The following ABCC2 variants were observed in gnomAD, a reference collection of about 807,000 sequenced individuals.
The protein encoded by ABCC2 is ATP binding cassette subfamily C member 2, also known as ATP-binding cassette sub-family C member 2.
In ABCC2, 157 loss-of-function variants were observed where a neutral mutation model predicts 173.4. The ratio of observed to expected loss-of-function variants is 0.91; its 90% CI spans 0.80 to 1.03. The LOEUF (loss-of-function observed/expected upper bound fraction) is 1.03. Among genes scored for constraint, ABCC2 ranks in the 50% least tolerant of loss-of-function variants. The pLI, the probability that ABCC2 is intolerant of heterozygous loss-of-function variation, is 0.00. For synonymous variants in ABCC2, 657 were observed against 693.5 expected (o/e 0.95, Z 0.83); for missense variants, 1,822 against 1,852.3 (o/e 0.98, Z 0.30).
chr10:99,795,167 G>A (rs1486635870), intron 6 of ABCC2, among the ~76,000 whole-genome samples: 1 of 152,166 alleles, frequency 6.6e-6, no homozygotes, highest in Admixed American at 6.5e-5. Flanking sequence ...GGCTGGTGAA[G>A]TCTATGAATC....
intron 13 of ABCC2, among the ~76,000 whole-genome samples, chr10:99,809,710 A>G (rs1279514497): frequency 2.6e-5 from 4 of 152,250 alleles, no homozygotes; most frequent in Non-Finnish European, 5.9e-5. Flanking sequence ...GGAAGTGTGC[A>G]GGGTCCCCCT....
chr10:99,801,092 C>T (rs998177552), intron 9 of ABCC2, among the ~76,000 whole-genome samples: 1 of 152,178 alleles, frequency 6.6e-6, no homozygotes, highest in Non-Finnish European at 1.5e-5. Context: ...TAACCTAAAC[C>T]TCCTCTGTCT....
At chr10:99,843,698 A>G in intron 26 of ABCC2, 101 bp from the exon 27 acceptor site, 1 of 938,680 alleles carries the variant, frequency 1.1e-6, no homozygotes, top group Non-Finnish European at 1.8e-6. Flanking sequence ...AGTCCAGCAC[A>G]GTGCTGGGTA....
intron 1 of ABCC2, among the ~76,000 whole-genome samples, chr10:99,783,863 T>C (rs1219667167): frequency 3.9e-5 from 6 of 152,094 alleles, no homozygotes; most frequent in African/African-American, 1.2e-4. Context: ...CAAACTTTCT[T>C]GGTCAGGGCA....
intron 7 of ABCC2, among the ~76,000 whole-genome samples, chr10:99,798,849 C>A (rs190606506): frequency 2.6e-5 from 4 of 152,288 alleles, no homozygotes; most frequent in Admixed American, 6.5e-5. Flanking sequence ...CATCTCACAG[C>A]AACCATGAAA....
At chr10:99,812,731 TAGG>T (rs1275783781) in intron 15 of ABCC2, among the ~76,000 whole-genome samples, 1 of 152,206 alleles carries the variant, frequency 6.6e-6, no homozygotes, top group East Asian at 1.9e-4. Context: ...ATGTTAGTTC[TAGG>T]AGAATTTTAT....
chr10:99,819,370 TGGAAGCAAACTACCCAG>T (rs2038489294), intron 19 of ABCC2, 101 bp downstream of exon 19: 2 of 1,166,790 alleles, frequency 1.7e-6, no homozygotes, highest in Non-Finnish European at 2.5e-6. Context: ...GAACTAGATT[TGGAAGCAAACTACCCAG>T]AGATTCAAAC....
Position 99,794,014 on chromosome 10 carries a change from A to G in ABCC2, c.576+15A>G. ...AGTCATCAAATGTGAGATTCTAAAT[A>G]TGCCCATCTCATATATTACTTAATT... is the stretch of plus-strand genomic sequence containing the variant. On this transcript the variant is annotated intron_variant, in intron 5 of 31. Transcript: ENST00000647814. The G allele has an allele frequency of 6.4e-7, 1 of 1,563,344 alleles. No individual in the cohort carries two copies. The highest frequency in any genetic ancestry group is 8.8e-7 in the Non-Finnish European group (1 of 1,135,084).
intron 25 of ABCC2, among the ~76,000 whole-genome samples, chr10:99,836,636 C>G (rs777061087): frequency 2.6e-5 from 4 of 152,170 alleles, no homozygotes; most frequent in Non-Finnish European, 4.4e-5. Flanking sequence ...AACCCAGTAC[C>G]AAATAAGTGC....
Position 99,836,262 on chromosome 10 carries a change from T to G in ABCC2, c.3586T>G (p.Cys1196Gly), listed in dbSNP as rs749084548. Residue 1196 changes from cysteine to glycine, a missense_variant, in exon 25 of 32, where the codon TGT (cysteine) becomes GGT (glycine). Coordinates refer to ENST00000647814, the MANE Select transcript of ABCC2 (RefSeq NM_000392.5). Reference protein sequence around the residue: ...NEVRIDTNQKCVFSWITSNRW... With the variant: ...NEVRIDTNQKGVFSWITSNRW... The stretch of plus-strand genomic sequence containing the variant: ...GGTGAGGATTGACACCAACCAGAAA[T>G]GTGTCTTTTCCTGGATCACCTCCAA... The G allele has an allele frequency of 6.2e-7, 1 of 1,614,144 alleles. No individual in the cohort carries two copies. The highest frequency in any genetic ancestry group is 1.6e-4 in the Middle Eastern group (1 of 6,062).
At chr10:99,849,723 G>A (rs968537695) in intron 30 of ABCC2, among the ~76,000 whole-genome samples, 3 of 152,172 alleles carry the variant, frequency 2.0e-5, no homozygotes, top group Non-Finnish European at 4.4e-5. Context: ...TTACATTACA[G>A]GGGAAAACTG....
rs369677401 is a variant in ABCC2, at chr10:99,819,153, G to T, written c.2504G>T (p.Gly835Val). The change falls in exon 19 of 32, where the codon GGG (glycine) becomes GTG (valine). Residue 835 changes from glycine (G) to valine (V), a missense_variant. Transcript: ENST00000647814. ...CAAGTGGATGAGATTGTAGTTCTGG[G>T]GAATGGAACAATTGTAGAGAAAGGA... ...LPQVDEIVVL[G>V]NGTIVEKGSY... is the part of the protein sequence containing the mutation. The T allele has an allele frequency of 2.5e-6, 4 of 1,614,074 alleles. No individual in the cohort carries two copies. The highest frequency in any genetic ancestry group is 1.6e-4 in the Middle Eastern group (1 of 6,062).
At chr10:99,826,172 A>C (rs1483735271) in intron 19 of ABCC2, among the ~76,000 whole-genome samples, 2 of 152,242 alleles carry the variant, frequency 1.3e-5, no homozygotes, top group Non-Finnish European at 2.9e-5. Flanking sequence ...TTTGACCACA[A>C]TTGTAACATT....
At position 99,814,291 on chromosome 10, in the gene ABCC2, ACG is replaced by A. The variant is rs1183821881; in HGVS notation, c.2094+1148_2094+1149del. ...TGTATACACACGTATGTATACACACACGTATGTATACACACATGTATATACAC... is the reference window on the plus strand; with the variant it reads ...TGTATACACACGTATGTATACACACATATGTATACACACATGTATATACAC... On this transcript the variant is annotated intron_variant, in intron 16 of 31. Transcript: ENST00000647814. Among the ~76,000 whole-genome samples the A allele has an allele frequency of 9.6e-4, 73 of 76,154 alleles. 8 individuals carry two copies. The highest frequency in any genetic ancestry group is 4.2e-3 in the African/African-American group (71 of 17,050). 50.0% of individuals were successfully genotyped at this position (76,154 alleles called of 152,430 possible).
chr10:99,831,892 C>G (rs1388225542), intron 22 of ABCC2, 62 bp downstream of exon 22: 11 of 1,612,830 alleles, frequency 6.8e-6, no homozygotes, highest in Non-Finnish European at 9.3e-6. Context: ...TTCCTGGACT[C>G]AGGAATGCAT....
intron 25 of ABCC2, among the ~76,000 whole-genome samples, chr10:99,839,103 C>T (rs1254928722): frequency 1.4e-5 from 2 of 142,082 alleles, no homozygotes; most frequent in Non-Finnish European, 3.1e-5. Context: ...CCCCCCCCAC[C>T]TCCCTCCCGG....
chr10:99,823,289 T>A (rs2133091921), intron 19 of ABCC2, among the ~76,000 whole-genome samples: 2 of 152,244 alleles, frequency 1.3e-5, no homozygotes, highest in East Asian at 3.9e-4. Context: ...CTTTTATGAA[T>A]GCAGATGATA....
intron 19 of ABCC2, among the ~76,000 whole-genome samples, chr10:99,821,205 T>A (rs999260852): frequency 2.5e-4 from 38 of 152,362 alleles, no homozygotes; most frequent in African/African-American, 8.7e-4. Flanking sequence ...TGCTGCCTGC[T>A]TGTCCCACCT....
At chr10:99,827,962 A>G (rs375698215) in intron 19 of ABCC2, among the ~76,000 whole-genome samples, 1 of 90 alleles carries the variant, frequency 0.011, no homozygotes, top group Non-Finnish European at 0.026. Context: ...GCACCAGATG[A>G]AGGGGTGGGT....
Sources: gnomAD v4.1 joint callset for allele counts (sites outside exome capture counted in the v4.1 genomes callset) on GRCh38, gnomAD v4.1.1 for gene constraint, MANE v1.5 for transcripts, NCBI Gene and HGNC (gene_info 2026-07-23, HGNC 2026-07-21) for gene names.